The following TMEM232 variants were observed in gnomAD, a reference collection of about 807,000 sequenced individuals.
TMEM232 encodes transmembrane protein 232.
A neutral mutation model predicts 78.8 loss-of-function variants in TMEM232; 80 were observed. That is an observed-to-expected ratio of 1.01 (90% confidence interval 0.85 to 1.22). The LOEUF is 1.22. Ranked by LOEUF, TMEM232 falls within the 50% of genes most tolerant of loss-of-function variation. The pLI, the probability that TMEM232 is intolerant of heterozygous loss-of-function variation, is 0.00. For synonymous variants in TMEM232, 297 were observed against 254.3 expected (o/e 1.17, Z -1.60); for missense variants, 881 against 742.2 (o/e 1.19, Z -2.17).
rs1561370672 is a variant in TMEM232, at chr5:110,605,108, C to G, written c.1276+1G>C. 1 of 1,537,198 alleles carries G rather than the reference C, an allele frequency of 6.5e-7. No homozygotes were observed. On this transcript the variant is annotated splice_donor_variant, in intron 10 of 13. Coordinates refer to ENST00000455884, the MANE Select transcript of TMEM232 (RefSeq NM_001039763.4). LOFTEE classifies it high-confidence loss of function. ...ATCAAAGTAAAAAACAATCTACTTA[C>G]AGTTCTCTGACATTTTTGAAGAGAA...
At chr5:110,451,876 A>C (rs1450104296) in intron 12 of TMEM232, among the ~76,000 whole-genome samples, 1 of 152,096 alleles carries the variant, frequency 6.6e-6, no homozygotes, top group East Asian at 1.9e-4. Flanking sequence ...TTTTTTAAAT[A>C]CAAGAAGAAA....
At chr5:110,658,319 T>C (rs982476370) in intron 2 of TMEM232, among the ~76,000 whole-genome samples, 1 of 152,194 alleles carries the variant, frequency 6.6e-6, no homozygotes, top group Admixed American at 6.5e-5. Context: ...TCTAAAAATA[T>C]CTACGGTTTT....
At chr5:110,482,098 T>TAACA (rs1428495114) in intron 12 of TMEM232, among the ~76,000 whole-genome samples, 1 of 152,036 alleles carries the variant, frequency 6.6e-6, no homozygotes, top group East Asian at 1.9e-4. Flanking sequence ...AAACAAAATC[T>TAACA]AACACACTAG....
intron 2 of TMEM232, among the ~76,000 whole-genome samples, chr5:110,646,717 A>G (rs763287289): frequency 6.6e-5 from 10 of 151,924 alleles, no homozygotes; most frequent in Non-Finnish European, 1.5e-4. Flanking sequence ...TCTTGTGCAC[A>G]GTATAAAAAC....
At chr5:110,390,083 G>C (rs1755125337) in intron 4 of TMEM232, among the ~76,000 whole-genome samples, 1 of 152,110 alleles carries the variant, frequency 6.6e-6, no homozygotes, top group Non-Finnish European at 1.5e-5. Context: ...ATAAAATGTG[G>C]CTATATCTTC....
At chr5:110,448,639 A>G (rs941627184) in intron 12 of TMEM232, among the ~76,000 whole-genome samples, 3 of 151,994 alleles carry the variant, frequency 2.0e-5, no homozygotes, top group African/African-American at 7.2e-5. Context: ...ATAGTTTTAA[A>G]ATACGAGAAG....
intron 2 of TMEM232, among the ~76,000 whole-genome samples, chr5:110,661,081 G>A (rs1789721611): frequency 6.6e-6 from 1 of 152,110 alleles, no homozygotes; most frequent in Non-Finnish European, 1.5e-5. Flanking sequence ...AGTGACAATA[G>A]CGGTATTTGT....
intron 1 of TMEM232, among the ~76,000 whole-genome samples, chr5:110,682,446 C>T (rs1441678296): frequency 6.6e-6 from 1 of 151,892 alleles, no homozygotes; most frequent in African/African-American, 2.4e-5. Flanking sequence ...TCTCTGCTTG[C>T]TCTAATGTTC....
rs1784624813 is a variant in TMEM232 at position 110,627,918 on chromosome 5, C to T, written c.502-38G>A. On this transcript the variant is annotated intron_variant, in intron 5 of 13. Coordinates refer to ENST00000455884, the MANE Select transcript of TMEM232 (RefSeq NM_001039763.4). Reference sequence around the variant, plus strand: ...AAAAGAAAAATACATTTTTGTGTTGCATCAATAAATGTTTAAAAACCATAA... The same window carrying T: ...AAAAGAAAAATACATTTTTGTGTTGTATCAATAAATGTTTAAAAACCATAA... 3.8e-6 allele frequency: 5 copies of T among 1,310,636 alleles called. No homozygotes were observed. In the East Asian group the frequency reaches 1.0e-4, roughly 27 times the overall value. 81.2% of individuals were successfully genotyped at this position (1,310,636 alleles called of 1,614,324 possible).
chr5:110,477,880 G>T (rs921407731), intron 12 of TMEM232, among the ~76,000 whole-genome samples: 2 of 151,762 alleles, frequency 1.3e-5, no homozygotes, highest in Non-Finnish European at 2.9e-5. Flanking sequence ...CCTTTGGCTT[G>T]GTATTTTATG....
At chr5:110,437,298 T>C (rs1427303046) in intron 12 of TMEM232, among the ~76,000 whole-genome samples, 1 of 151,966 alleles carries the variant, frequency 6.6e-6, no homozygotes, top group Non-Finnish European at 1.5e-5. Flanking sequence ...AGCCTCCACA[T>C]GTAATCTAAA....
At chr5:110,542,801 C>G (rs1773319810) in intron 11 of TMEM232, among the ~76,000 whole-genome samples, 1 of 152,098 alleles carries the variant, frequency 6.6e-6, no homozygotes, top group South Asian at 2.1e-4. Flanking sequence ...CCTTTGCAAC[C>G]CCCCTCGCTT....
rs1778188868 is a variant in TMEM232 at position 110,581,339 on chromosome 5, A to T, written c.1277-12714T>A. Among the ~76,000 whole-genome samples the T allele has an allele frequency of 2.0e-5, 3 of 151,990 alleles. No homozygotes were observed. The South Asian group carries it at 6.2e-4, about 31-fold the overall frequency. ...CAGACACACAGATCAGTGGAACAGT[A>T]TAGAGAACCGAGAAATGAAGCCACA... On this transcript the variant is annotated intron_variant, in intron 10 of 13. Transcript: ENST00000455884.
chr5:110,431,825 A>G (rs574483332), intron 12 of TMEM232, among the ~76,000 whole-genome samples: 1 of 151,756 alleles, frequency 6.6e-6, no homozygotes, highest in East Asian at 1.9e-4. Flanking sequence ...AAACAGAAAT[A>G]TCTAGGCTGA....
intron 12 of TMEM232, among the ~76,000 whole-genome samples, chr5:110,511,010 C>G (rs542862836): frequency 6.6e-6 from 1 of 152,204 alleles, no homozygotes; most frequent in East Asian, 1.9e-4. Context: ...TTTATTGCAG[C>G]ACTATTCACA....
chr5:110,714,433 T>C (rs1336041395), intron 1 of TMEM232, among the ~76,000 whole-genome samples: 4 of 152,320 alleles, frequency 2.6e-5, no homozygotes, highest in East Asian at 3.9e-4. Flanking sequence ...TTCTGTGTAA[T>C]AGAACTGTGC....
Position 110,642,340 on chromosome 5 carries a change from A to T in TMEM232, c.157T>A (p.Leu53Met). The T allele has an allele frequency of 1.3e-6, 2 of 1,535,304 alleles. No individual in the cohort carries two copies. Among genetic ancestry groups the T allele is most frequent in the Non-Finnish European group, 1.8e-6 (2 of 1,141,512 alleles). Residue 53 changes from leucine to methionine, a missense_variant, in exon 3 of 14, where the codon TTG becomes ATG. Coordinates refer to ENST00000455884, the MANE Select transcript of TMEM232 (RefSeq NM_001039763.4). ...PTFSITKEFI[L>M]RFNQTQNSKE... is the part of the protein sequence containing the mutation. Reference sequence around the variant, plus strand: ...GAATTTTGTGTTTGATTGAATCTCAAGATGAATTCTTTTGTGATTGAAAAT... The same window carrying T: ...GAATTTTGTGTTTGATTGAATCTCATGATGAATTCTTTTGTGATTGAAAAT...
At chr5:110,483,403 A>T (rs1013180705) in intron 12 of TMEM232, among the ~76,000 whole-genome samples, 3 of 152,168 alleles carry the variant, frequency 2.0e-5, no homozygotes, top group African/African-American at 7.2e-5. Context: ...GGGTAAAGGG[A>T]ATGTTTATAT....
Position 110,652,238 on chromosome 5 carries a change from G to C in TMEM232, c.126-9867C>G, listed in dbSNP as rs11241070. ...AATAATAGTAAATTCAATTCAATTTGATTTCCCCATTACCAACCACAGACA... is the reference window on the plus strand; with the variant it reads ...AATAATAGTAAATTCAATTCAATTTCATTTCCCCATTACCAACCACAGACA... On this transcript the variant is annotated intron_variant, in intron 2 of 13. Transcript: ENST00000455884. Among the ~76,000 whole-genome samples the C allele has an allele frequency of 2.0e-5, 3 of 151,032 alleles. No homozygotes were observed. In the East Asian group the frequency reaches 5.8e-4, roughly 29 times the overall value.
Sources: allele counts gnomAD v4.1 joint callset (sites outside exome capture counted in the v4.1 genomes callset), GRCh38; gene constraint gnomAD v4.1.1; transcripts MANE v1.5; gene names NCBI Gene and HGNC (gene_info 2026-07-23, HGNC 2026-07-21).